The following BRD10 variants were observed in gnomAD, a reference collection of about 807,000 sequenced individuals.
BRD10 encodes bromodomain containing 10, also known as uncharacterized bromodomain-containing protein 10.
chr9:5,949,336 C>A, the BRD10 span, among the ~76,000 whole-genome samples: 1 of 152,050 alleles, frequency 6.6e-6, no homozygotes, highest in Non-Finnish European at 1.5e-5. Context: ...TCCAGTCTGG[C>A]GGCAGAGCGA....
At chr9:5,951,231 G>A in the BRD10 span, among the ~76,000 whole-genome samples, 1 of 151,698 alleles carries the variant, frequency 6.6e-6, no homozygotes, top group Non-Finnish European at 1.5e-5. Context: ...CAAATAGGGG[G>A]GCAAGTTCAA....
chr9:5,923,229 G>T, the BRD10 span: 1 of 1,613,856 alleles, frequency 6.2e-7, no homozygotes, highest in South Asian at 1.1e-5. Context: ...AGTGTCTTCG[G>T]TAAGTCTTTT....
At chr9:5,949,868 C>G in the BRD10 span, among the ~76,000 whole-genome samples, 2 of 152,040 alleles carry the variant, frequency 1.3e-5, no homozygotes, top group African/African-American at 2.4e-5. Flanking sequence ...ATTAGGAAAA[C>G]TGATATTCAC....
the BRD10 span, among the ~76,000 whole-genome samples, chr9:5,962,085 G>A: frequency 6.6e-6 from 1 of 151,934 alleles, no homozygotes; most frequent in Non-Finnish European, 1.5e-5. Flanking sequence ...TGTCAATTTT[G>A]GATCTTTCCT....
chr9:5,996,315 T>G, the BRD10 span, among the ~76,000 whole-genome samples: 36 of 146,246 alleles, frequency 2.5e-4, no homozygotes, highest in African/African-American at 8.1e-4. Context: ...TGGTTTTTTT[T>G]TTTGTTGTTG....
the BRD10 span, among the ~76,000 whole-genome samples, chr9:5,971,663 TA>T: frequency 1.2e-3 from 178 of 152,326 alleles, 1 homozygote; most frequent in Middle Eastern, 6.8e-3. Flanking sequence ...TTTGAGTACC[TA>T]AAAAATATTA....
chr9:5,974,782 G>A, the BRD10 span, among the ~76,000 whole-genome samples: 1 of 152,182 alleles, frequency 6.6e-6, no homozygotes, highest in African/African-American at 2.4e-5. Context: ...AGAGAACATA[G>A]TGCCTGTTCC....
At chr9:5,995,174 T>G in the BRD10 span, among the ~76,000 whole-genome samples, 3 of 152,326 alleles carry the variant, frequency 2.0e-5, no homozygotes, top group South Asian at 6.2e-4. Context: ...TTGCTGGGAT[T>G]AGAGGCGTGA....
chr9:5,951,501 A>G, the BRD10 span, among the ~76,000 whole-genome samples: 2 of 152,198 alleles, frequency 1.3e-5, no homozygotes, highest in Non-Finnish European at 2.9e-5. Context: ...TTCAGAATGA[A>G]TAATATGAAG....
chr9:5,941,605 T>A, the BRD10 span, among the ~76,000 whole-genome samples: 1 of 152,138 alleles, frequency 6.6e-6, no homozygotes, highest in African/African-American at 2.4e-5. Flanking sequence ...TTAAAAGCAT[T>A]TTTCTCTTCA....
the BRD10 span, among the ~76,000 whole-genome samples, chr9:5,916,293 C>A: frequency 6.6e-6 from 1 of 152,100 alleles, no homozygotes; most frequent in Non-Finnish European, 1.5e-5. Context: ...CTTTCTCAAG[C>A]TTTTAATGTT....
chr9:5,994,171 T>C, the BRD10 span, among the ~76,000 whole-genome samples: 3 of 152,186 alleles, frequency 2.0e-5, no homozygotes, highest in Non-Finnish European at 4.4e-5. Flanking sequence ...ATACCATCAA[T>C]AATGTTAAAA....
At chr9:5,922,065 C>T in the BRD10 span, 1 of 1,614,004 alleles carries the variant, frequency 6.2e-7, no homozygotes, top group Non-Finnish European at 8.5e-7. Context: ...AAAGTGAAAA[C>T]TGAACTTGAA....
chr9:5,969,173 T>C, the BRD10 span: 2 of 1,613,890 alleles, frequency 1.2e-6, no homozygotes, highest in Non-Finnish European at 8.5e-7. Flanking sequence ...AGGTCTGCGA[T>C]GGGGAGGACT....
the BRD10 span, chr9:6,007,654 C>A: frequency 1.0e-4 from 163 of 1,605,722 alleles, no homozygotes; most frequent in African/African-American, 2.0e-3. Flanking sequence ...GGAGGCACTC[C>A]TTCCGTGGGC....
At chr9:5,919,811 G>A in the BRD10 span, 3 of 1,613,842 alleles carry the variant, frequency 1.9e-6, no homozygotes, top group Non-Finnish European at 2.5e-6. Flanking sequence ...AACCTTAGAT[G>A]CTGGAGTATT....
chr9:6,007,091 C>T, the BRD10 span: 2 of 1,184,492 alleles, frequency 1.7e-6, no homozygotes, highest in Non-Finnish European at 2.4e-6. Flanking sequence ...GACTCAGCAC[C>T]TATCAGCGCC....
the BRD10 span, chr9:5,922,027 C>T: frequency 3.1e-6 from 5 of 1,614,018 alleles, no homozygotes; most frequent in South Asian, 5.5e-5. Context: ...TTGATTTTGG[C>T]ACCAGAAATG....
chr9:6,001,861 C>A, the BRD10 span, among the ~76,000 whole-genome samples: 1 of 152,122 alleles, frequency 6.6e-6, no homozygotes, highest in Non-Finnish European at 1.5e-5. Flanking sequence ...GGAACATGGT[C>A]ATTCATGAGC....
Sources: allele counts gnomAD v4.1 joint callset (sites outside exome capture counted in the v4.1 genomes callset), GRCh38; gene constraint gnomAD v4.1.1; transcripts MANE v1.5; gene names NCBI Gene and HGNC (gene_info 2026-07-23, HGNC 2026-07-21).